The following KCTD19 variants were observed in gnomAD, a reference collection of about 807,000 sequenced individuals.
KCTD19 encodes the protein BTB/POZ domain-containing protein KCTD19.
KCTD19 carries 67 observed loss-of-function variants against 103.5 expected under a neutral mutation model. The observed-to-expected ratio is 0.65, with a 90% CI of 0.53 to 0.79. KCTD19 has a LOEUF of 0.79. Among genes scored for constraint, KCTD19 ranks in the 30% least tolerant of loss-of-function variants. KCTD19 has a pLI of 0.00. For missense variants in KCTD19, 980 were observed against 1,136.1 expected (o/e 0.86, Z 1.98); for synonymous variants, 439 against 452.2 (o/e 0.97, Z 0.37).
chr16:67,294,552 AC>A (rs1488133674), intron 11 of KCTD19, 27 bp downstream of exon 11: 6 of 1,500,652 alleles, frequency 4.0e-6, no homozygotes, highest in African/African-American at 1.4e-5. Flanking sequence ...TTTGAGGATA[AC>A]ACCAACCAGA....
At chr16:67,299,263 C>T in intron 6 of KCTD19, 100 bp downstream of exon 6, 1 of 1,079,962 alleles carries the variant, frequency 9.3e-7, no homozygotes, top group Non-Finnish European at 1.4e-6. Context: ...CCCAAGGACA[C>T]ACTTCACCTC....
chr16:67,326,642 C>A, intron 1 of KCTD19, 63 bp downstream of exon 1: 1 of 1,552,440 alleles, frequency 6.4e-7, no homozygotes, highest in South Asian at 1.2e-5. Flanking sequence ...CAATCCTTGG[C>A]CACAGCGGCC....
At position 67,303,321 on chromosome 16, in the gene KCTD19, T is replaced by C. The variant is rs753445086; in HGVS notation, c.468A>G (p.Ala156=). 4.3e-6 allele frequency: 7 copies of C among 1,611,476 alleles called. No individual in the cohort carries two copies. The African/African-American group carries it at 8.0e-5, about 18-fold the overall frequency. Residue 156 remains alanine (A), a synonymous_variant, in exon 4 of 16, where the codon GCA becomes GCG. Coordinates refer to ENST00000304372, the MANE Select transcript of KCTD19 (RefSeq NM_001100915.3). The surrounding 1 kb of genome is among the most constrained non-coding windows in gnomAD (Gnocchi z 4.3). ...SPAFTGLHDK[A]PLGLMDTPLL... ...GGGGTGTGTCCATGAGCCCCAGAGG[T>C]GCCTTATCATGTAGGCCTGGAAGAG...
intron 1 of KCTD19, among the ~76,000 whole-genome samples, chr16:67,325,646 G>A (rs542676793): frequency 6.6e-6 from 1 of 152,114 alleles, no homozygotes; most frequent in Non-Finnish European, 1.5e-5. Context: ...GCTGGAGTGA[G>A]GGTAGGGGTT....
In KCTD19 at chr16:67,303,946, C is replaced by T. The variant is rs1417537062; in HGVS notation, c.451+475G>A. Reference sequence around the variant, plus strand: ...ATTAAATTCATTTACCCATTTGATTCTAATTGATCAAACCAAACACAGTGA... The same window carrying T: ...ATTAAATTCATTTACCCATTTGATTTTAATTGATCAAACCAAACACAGTGA... On this transcript the variant is annotated intron_variant, in intron 3 of 15. Coordinates refer to ENST00000304372, the MANE Select transcript of KCTD19 (RefSeq NM_001100915.3). The surrounding 1 kb of genome is among the most constrained non-coding windows in gnomAD (Gnocchi z 4.3). Among the ~76,000 whole-genome samples the T allele has an allele frequency of 6.6e-6, 1 of 152,208 alleles. No homozygotes were observed. The highest frequency in any genetic ancestry group is 1.5e-5 in the Non-Finnish European group (1 of 68,050).
chr16:67,294,151 C>A lies in KCTD19; in HGVS notation c.1611G>T (p.Val537=), dbSNP rs201132591. 7.9e-4 allele frequency: 1,276 copies of A among 1,607,180 alleles called. 1 individual carries two copies. The highest frequency in any genetic ancestry group is 1.0e-3 in the Non-Finnish European group (1,185 of 1,174,246). Residue 537 remains valine, a synonymous_variant, in exon 12 of 16, where the codon GTG becomes GTT. Coordinates refer to ENST00000304372, the MANE Select transcript of KCTD19 (RefSeq NM_001100915.3). ...TCCTGTCACTGCAGTCTTCGAAGTC[C>A]ACAGGCATGTAGGCTGTGGTCTGGG... ...DTKETTAYMP[V]DFEDCSDRTP...
intron 8 of KCTD19, 158 bp from the exon 9 acceptor site, chr16:67,295,563 C>T: frequency 1.5e-6 from 1 of 658,036 alleles, no homozygotes; most frequent in Non-Finnish European, 2.5e-6. Context: ...TGGTGGGGAG[C>T]AGAGCTTCCA....
Position 67,294,115 on chromosome 16 carries a change from G to A in KCTD19, c.1647C>T (p.Asn549=), listed in dbSNP as rs1462766442. The stretch of plus-strand genomic sequence containing the variant: ...ACCTGACCAGGTTTCCCTTAGCCTT[G>A]TTCCATGGAGTCCTGTCACTGCAGT... The part of the protein sequence containing the change: ...FEDCSDRTPW[N]KAKGNLVRSN... The change falls in exon 12 of 16, where the codon AAC becomes AAT. Residue 549 remains asparagine (N), a synonymous_variant. Coordinates refer to ENST00000304372, the MANE Select transcript of KCTD19 (RefSeq NM_001100915.3). 1.2e-6 allele frequency: 2 copies of A among 1,612,146 alleles called. No homozygotes were observed. Among genetic ancestry groups the A allele is most frequent in the African/African-American group, 1.3e-5 (1 of 74,986 alleles).
chr16:67,305,437 C>G, intron 2 of KCTD19: 1 of 305,262 alleles, frequency 3.3e-6, no homozygotes, highest in Non-Finnish European at 6.5e-6. Flanking sequence ...CAGCTGAGGT[C>G]AAAGGCTTTG....
At chr16:67,295,905 C>T in intron 8 of KCTD19, 1 of 439,596 alleles carries the variant, frequency 2.3e-6, no homozygotes, top group South Asian at 2.5e-5. Flanking sequence ...CCATCACACC[C>T]AGCTAATTTT....
rs766299702 is a variant in KCTD19 at position 67,303,294 on chromosome 16, CAG to C, written c.493_494del (p.Leu165ValfsTer26). On this transcript the variant is annotated frameshift_variant, in exon 4 of 16. Coordinates refer to ENST00000304372, the MANE Select transcript of KCTD19 (RefSeq NM_001100915.3). LOFTEE classifies it high-confidence loss of function. This position sits in a 1 kb window ranked among gnomAD's most constrained non-coding sequence, Gnocchi z 4.3. ...KAPLGLMDTP[L>X]LDTEEEVHYC... is the part of the protein sequence containing the mutation. ...AGTGCACCTCCTCTTCTGTGTCTAACAGGGGTGTGTCCATGAGCCCCAGAGGT... is the reference window on the plus strand; with the variant it reads ...AGTGCACCTCCTCTTCTGTGTCTAACGGGTGTGTCCATGAGCCCCAGAGGT... The C allele has an allele frequency of 4.3e-6, 7 of 1,614,044 alleles. No homozygotes were observed. The highest frequency in any genetic ancestry group is 1.7e-5 in the Admixed American group (1 of 60,002).
chr16:67,311,732 T>TGTGC (rs1282760257), intron 2 of KCTD19, among the ~76,000 whole-genome samples: 8 of 152,068 alleles, frequency 5.3e-5, no homozygotes, highest in African/African-American at 1.4e-4. Context: ...TGTGTGTGTG[T>TGTGC]GTGCATGTGT....
rs1338427409 is a variant in KCTD19 at position 67,307,391 on chromosome 16, G to A, written c.301-2820C>T. On this transcript the variant is annotated intron_variant, in intron 2 of 15. Transcript: ENST00000304372. ...GGCAGTGGCCCAATCTTGACTTACTGCAACCTCCGCCTCCCAGGCTCAGGT... is the reference window on the plus strand; with the variant it reads ...GGCAGTGGCCCAATCTTGACTTACTACAACCTCCGCCTCCCAGGCTCAGGT... 2.0e-5 allele frequency among the ~76,000 whole-genome samples: 3 copies of A among 147,670 alleles called. No homozygotes were observed. The East Asian group carries it at 5.9e-4, about 29-fold the overall frequency.
chr16:67,319,638 TG>T (rs1360309120), intron 2 of KCTD19, among the ~76,000 whole-genome samples: 1 of 152,044 alleles, frequency 6.6e-6, no homozygotes, highest in African/African-American at 2.4e-5. Flanking sequence ...AGAAAGGTAA[TG>T]TTTTTAGCAG....
rs1332293262 is a variant in KCTD19, at chr16:67,289,554, G to A, written c.*15C>T. The A allele has an allele frequency of 8.5e-6, 13 of 1,524,088 alleles. No individual in the cohort carries two copies. Among genetic ancestry groups the A allele is most frequent in the Non-Finnish European group, 1.2e-5 (13 of 1,098,438 alleles). The allele number at this position is 1,524,088 out of a possible 1,614,324, so 94.4% of individuals were successfully genotyped here. On this transcript the variant is annotated 3_prime_UTR_variant, in exon 16 of 16. Coordinates refer to ENST00000304372, the MANE Select transcript of KCTD19 (RefSeq NM_001100915.3). ...CTTGGCGGGTGGGGCATGAGGGGCT[G>A]CATCTCTGGGCACCCTAGTCCTCTT...
chr16:67,296,650 A>G (rs1345021226), intron 7 of KCTD19, among the ~76,000 whole-genome samples: 2 of 152,194 alleles, frequency 1.3e-5, no homozygotes, highest in Non-Finnish European at 2.9e-5. Flanking sequence ...GGCAAATGTC[A>G]TGGAGCCAAC....
At position 67,293,831 on chromosome 16, in the gene KCTD19, A is replaced by G; in HGVS notation, c.1931T>C (p.Met644Thr). 5 of 1,613,848 alleles carry G rather than the reference A, an allele frequency of 3.1e-6. No individual in the cohort carries two copies. Among genetic ancestry groups the G allele is most frequent in the Non-Finnish European group, 4.2e-6 (5 of 1,180,012 alleles). The change falls in exon 12 of 16, where the codon ATG becomes ACG. Residue 644 changes from methionine (M) to threonine (T), a missense_variant. By Grantham distance (81) the Met-to-Thr change is moderately conservative. Transcript: ENST00000304372. This position sits in a 1 kb window ranked among gnomAD's most constrained non-coding sequence, Gnocchi z 4.0. ...GAATTCCCACTGTTTGCAATTGACC[A>G]TGTCCCATTCTCTCACCAGGGAGAT... The part of the protein sequence containing the change: ...KLISLVREWD[M>T]VNCKQWEFQP...
intron 1 of KCTD19, among the ~76,000 whole-genome samples, chr16:67,322,514 G>A (rs1451597066): frequency 2.6e-5 from 4 of 152,088 alleles, no homozygotes; most frequent in Non-Finnish European, 5.9e-5. Context: ...TAGCCAGCAT[G>A]GTCTCGATCT....
chr16:67,290,167 C>CTTTTTTT (rs11296444), intron 15 of KCTD19, among the ~76,000 whole-genome samples: 36 of 69,324 alleles, frequency 5.2e-4, no homozygotes, highest in South Asian at 7.1e-4. Context: ...TGAATATTTT[C>CTTTTTTT]TTTTTTTTTT....
Sources: allele counts gnomAD v4.1 joint callset (sites outside exome capture counted in the v4.1 genomes callset), GRCh38; gene constraint gnomAD v4.1.1; non-coding constraint Gnocchi (gnomAD v3.1); transcripts MANE v1.5; gene names NCBI Gene and HGNC (gene_info 2026-07-23, HGNC 2026-07-21).